The following EYS variants were observed in gnomAD, a reference collection of about 807,000 sequenced individuals.
EYS encodes EGF-like photoreceptor maintenance factor, also known as protein eyes shut homolog.
EYS carries 250 observed loss-of-function variants against 282.1 expected under a neutral mutation model. That is an observed-to-expected ratio of 0.89 (90% confidence interval 0.80 to 0.98). The LOEUF is 0.98. Ranked by LOEUF, EYS falls within the 50% of genes least tolerant of loss-of-function variation. The pLI is 0.00. For missense variants in EYS, 4,016 were observed against 3,709.0 expected (o/e 1.08, Z -2.15); for synonymous variants, 1,355 against 1,282.9 (o/e 1.06, Z -1.20).
At chr6:64,382,795 C>T (rs640941) in intron 29 of EYS, among the ~76,000 whole-genome samples, 105,270 of 151,984 alleles carry the variant, frequency 0.69, 36,446 homozygotes, top group South Asian at 0.71. Context: ...GGACTATTGG[C>T]ACTCAAGAGT....
At chr6:64,805,245 C>A (rs976772943) in intron 22 of EYS, among the ~76,000 whole-genome samples, 1 of 151,682 alleles carries the variant, frequency 6.6e-6, no homozygotes, top group Admixed American at 6.6e-5. Flanking sequence ...TAATTGTATC[C>A]CCAAATGGAA....
At chr6:65,014,451 T>C (rs1259963349) in intron 13 of EYS, among the ~76,000 whole-genome samples, 1 of 152,220 alleles carries the variant, frequency 6.6e-6, no homozygotes, top group African/African-American at 2.4e-5. Flanking sequence ...CACTAAGACA[T>C]CTTCAGTGCT....
intron 29 of EYS, among the ~76,000 whole-genome samples, chr6:64,325,425 C>A (rs1770378165): frequency 6.6e-6 from 1 of 152,150 alleles, no homozygotes; most frequent in Non-Finnish European, 1.5e-5. Context: ...CAGCCTTTAG[C>A]CCTAGACCTT....
chr6:64,821,009 A>T (rs893240381), intron 21 of EYS, among the ~76,000 whole-genome samples: 1 of 152,062 alleles, frequency 6.6e-6, no homozygotes, highest in Non-Finnish European at 1.5e-5. Context: ...TCAATCAAAA[A>T]TGATTTGGAA....
chr6:64,896,795 G>T (rs541201059), intron 18 of EYS, among the ~76,000 whole-genome samples: 1 of 152,074 alleles, frequency 6.6e-6, no homozygotes, highest in South Asian at 2.1e-4. Flanking sequence ...TGAGGTTTGA[G>T]TAGGGAGTTT....
chr6:63,735,299 G>C (rs1446100193), intron 41 of EYS, among the ~76,000 whole-genome samples: 11 of 152,080 alleles, frequency 7.2e-5, no homozygotes. Flanking sequence ...TATAAGAGGT[G>C]TGTAATAATG....
intron 22 of EYS, among the ~76,000 whole-genome samples, chr6:64,770,600 C>T (rs889229150): frequency 2.8e-4 from 43 of 152,016 alleles, no homozygotes; most frequent in African/African-American, 9.6e-4. Context: ...TTCCTTTAAA[C>T]TCAATCGTCG....
chr6:64,767,490 T>C (rs998295981), intron 22 of EYS, among the ~76,000 whole-genome samples: 4 of 152,096 alleles, frequency 2.6e-5, no homozygotes, highest in Non-Finnish European at 5.9e-5. Flanking sequence ...TTTTTTACCT[T>C]TATGATTTTT....
rs969623938 is a variant in EYS at position 64,817,480 on chromosome 6, C to T, written c.3244-3903G>A. ...ACTCAGAGAAACACAAATACATGCA[C>T]TCATGTGTGCGTACTCAGTTTTTTA... On this transcript the variant is annotated intron_variant, in intron 21 of 42. Transcript: ENST00000503581. Among the ~76,000 whole-genome samples, 17 of 152,268 alleles carry T rather than the reference C, an allele frequency of 1.1e-4. 1 individual carries two copies. The highest frequency in any genetic ancestry group is 3.8e-4 in the African/African-American group (16 of 41,576).
intron 31 of EYS, among the ~76,000 whole-genome samples, chr6:64,122,755 T>C (rs1773632258): frequency 6.6e-6 from 1 of 151,786 alleles, no homozygotes; most frequent in Non-Finnish European, 1.5e-5. Flanking sequence ...TTTAAGATAC[T>C]GTAAAGATTA....
At chr6:65,640,091 G>C (rs1408384484) in intron 1 of EYS, among the ~76,000 whole-genome samples, 199 bp from the exon 2 acceptor site, 3 of 152,124 alleles carry the variant, frequency 2.0e-5, no homozygotes, top group Non-Finnish European at 4.4e-5. Flanking sequence ...AAAATGGGCA[G>C]TATACCTGTA....
At chr6:64,599,622 T>C (rs1482656627) in intron 24 of EYS, among the ~76,000 whole-genome samples, 1 of 152,136 alleles carries the variant, frequency 6.6e-6, no homozygotes, top group African/African-American at 2.4e-5. Context: ...AATATGAGTC[T>C]CTCTTGAAGC....
chr6:65,674,961 CAG>C (rs1206463111), intron 1 of EYS, among the ~76,000 whole-genome samples: 3 of 145,648 alleles, frequency 2.1e-5, no homozygotes, highest in Middle Eastern at 3.7e-3. Flanking sequence ...GTGACAGTAA[CAG>C]AAAGTGTATG....
intron 23 of EYS, among the ~76,000 whole-genome samples, chr6:64,619,670 C>CTGTTT (rs374630369): frequency 9.9e-5 from 15 of 151,818 alleles, no homozygotes; most frequent in African/African-American, 2.2e-4. Flanking sequence ...GTTGTTTTTG[C>CTGTTT]TGTTTTGTTT....
At chr6:65,656,086 A>G (rs1767813046) in intron 1 of EYS, among the ~76,000 whole-genome samples, 1 of 151,820 alleles carries the variant, frequency 6.6e-6, no homozygotes, top group South Asian at 2.1e-4. Flanking sequence ...GGCACCACAA[A>G]CCATGCCCAT....
At chr6:64,895,250 A>AAGAT (rs1767422068) in intron 18 of EYS, among the ~76,000 whole-genome samples, 1 of 152,224 alleles carries the variant, frequency 6.6e-6, no homozygotes, top group South Asian at 2.1e-4. Context: ...GATCTCTATG[A>AAGAT]AGATAGATAA....
chr6:65,117,264 T>A lies in EYS; in HGVS notation c.2024-59537A>T, dbSNP rs570664955. Among the ~76,000 whole-genome samples the A allele has an allele frequency of 4.3e-4, 65 of 152,338 alleles. 1 individual carries two copies. In the Middle Eastern group the frequency reaches 0.01, roughly 24 times the overall value. On this transcript the variant is annotated intron_variant, in intron 12 of 42. Transcript: ENST00000503581. ...ACTGCTTTCTTTCTAGCTGGAACTC[T>A]TTCCAACATGATCCCAAATTAGACA...
intron 28 of EYS, among the ~76,000 whole-genome samples, chr6:64,401,262 A>T (rs1316671057): frequency 6.6e-6 from 1 of 152,114 alleles, no homozygotes; most frequent in Non-Finnish European, 1.5e-5. Flanking sequence ...GAAATTACTG[A>T]CTCAAATCTT....
intron 13 of EYS, among the ~76,000 whole-genome samples, chr6:65,046,763 G>A (rs1304468621): frequency 6.6e-6 from 1 of 151,874 alleles, no homozygotes; most frequent in Non-Finnish European, 1.5e-5. Context: ...CTCTGATATG[G>A]TTTGGCTATG....
Sources: allele counts gnomAD v4.1 joint callset (sites outside exome capture counted in the v4.1 genomes callset), GRCh38; gene constraint gnomAD v4.1.1; transcripts MANE v1.5; gene names NCBI Gene and HGNC (gene_info 2026-07-23, HGNC 2026-07-21).